GPR107: variants seen among roughly 807,000 people sequenced by gnomAD.
GPR107 encodes the protein G protein-coupled receptor 107.
GPR107 carries 31 observed loss-of-function variants against 75.5 expected under a neutral mutation model. The observed-to-expected ratio is 0.41, with a 90% CI of 0.31 to 0.55. The LOEUF is 0.55. Ranked by LOEUF, GPR107 falls within the 20% of genes least tolerant of loss-of-function variation. GPR107 has a pLI of 0.26. For synonymous variants in GPR107, 267 were observed against 251.3 expected, an observed-to-expected ratio of 1.06 and a Z score of -0.59; for missense variants, 572 against 665.7, an observed-to-expected ratio of 0.86 and a Z score of 1.55.
At chr9:130,127,262 C>T (rs1415702231) in intron 15 of GPR107, among the ~76,000 whole-genome samples, 2 of 152,052 alleles carry the variant, frequency 1.3e-5, no homozygotes, top group African/African-American at 4.8e-5. Context: ...TGGCTGTTAG[C>T]AATATCTTGG....
At position 130,083,428 on chromosome 9, in the gene GPR107, A is replaced by G. The variant is rs1589498308; in HGVS notation, c.527-137A>G. 1.8e-5 allele frequency: 8 copies of G among 452,436 alleles called. No homozygotes were observed. In the East Asian group the frequency reaches 2.9e-4, roughly 16 times the overall value. 28.0% of individuals were successfully genotyped at this position (452,436 alleles called of 1,614,324 possible). A position where few individuals can be genotyped will look rare whatever the true frequency, so the allele number is the denominator to read the frequency against. ...GAATTATGTTTTGGGACCTGAGGAA[A>G]TGGCAGTCCCCAAGATTATTTTGTT... On this transcript the variant is annotated intron_variant, in intron 5 of 17. Coordinates refer to ENST00000347136, the MANE Select transcript of GPR107 (RefSeq NM_020960.5).
chr9:130,125,726 A>G (rs1831660934), intron 15 of GPR107, among the ~76,000 whole-genome samples: 1 of 150,670 alleles, frequency 6.6e-6, no homozygotes, highest in Non-Finnish European at 1.5e-5. Context: ...GTTCTTCTGC[A>G]GCCATTTTTG....
rs377134930 is a variant in GPR107, at chr9:130,127,570, C to T, written c.1440+4C>T. The T allele has an allele frequency of 2.2e-5, 34 of 1,520,794 alleles. No individual in the cohort carries two copies. In the African/African-American group the frequency reaches 3.1e-4, roughly 14 times the overall value. 94.2% of individuals were successfully genotyped at this position (1,520,794 alleles called of 1,614,324 possible). ...CCAGTGGAAGTGGCTCTACCAGGTA[C>T]GCTGCTCACAGGGCAGAATGCCAGA... On this transcript the variant is annotated splice_donor_region_variant and intron_variant, in intron 16 of 17. Coordinates refer to ENST00000347136, the MANE Select transcript of GPR107 (RefSeq NM_020960.5).
At chr9:130,099,300 A>G (rs1589511164) in intron 9 of GPR107, among the ~76,000 whole-genome samples, 157 bp from the exon 10 acceptor site, 1 of 151,908 alleles carries the variant, frequency 6.6e-6, no homozygotes, top group Non-Finnish European at 1.5e-5. Context: ...GGGCGACAGA[A>G]TAAGACCCTG....
At chr9:130,108,383 C>T (rs1831210271) in intron 14 of GPR107, among the ~76,000 whole-genome samples, 2 of 152,194 alleles carry the variant, frequency 1.3e-5, no homozygotes, top group Admixed American at 6.5e-5. Context: ...TTAGAAAATT[C>T]GGAAAATGCA....
chr9:130,083,705 C>G, intron 6 of GPR107, 103 bp downstream of exon 6: 1 of 614,912 alleles, frequency 1.6e-6, no homozygotes, highest in Non-Finnish European at 2.6e-6. Context: ...TACATACATG[C>G]ATGCACAGAC....
In GPR107 at chr9:130,085,082, A is replaced by T. The variant is rs623981; in HGVS notation, c.565-1338A>T. 3.3e-5 allele frequency among the ~76,000 whole-genome samples: 5 copies of T among 152,278 alleles called. No homozygotes were observed. In the South Asian group the frequency reaches 8.3e-4, roughly 25 times the overall value. On this transcript the variant is annotated intron_variant, in intron 6 of 17. Transcript: ENST00000347136. ...GGGCCAAGCAATAGAGGAATTGATGAGCAGGCTACGGGAAGTCATCCTGAG... is the reference window on the plus strand; with the variant it reads ...GGGCCAAGCAATAGAGGAATTGATGTGCAGGCTACGGGAAGTCATCCTGAG...
intron 9 of GPR107, among the ~76,000 whole-genome samples, chr9:130,098,423 T>C (rs1156714302): frequency 6.6e-6 from 1 of 152,184 alleles, no homozygotes; most frequent in African/African-American, 2.4e-5. Flanking sequence ...CCAGTCCCCC[T>C]ACTCTGGGCT....
chr9:130,083,610 C>T lies in GPR107; in HGVS notation c.564+8C>T. ...AGTACAGTGGATTCAAAGGTAAGAA[C>T]TAACCACCCTTTTGTGCTCAGCTTT... On this transcript the variant is annotated splice_region_variant and intron_variant, in intron 6 of 17. Transcript: ENST00000347136. 6.6e-7 allele frequency: 1 copy of T among 1,507,454 alleles called. No homozygotes were observed. The highest frequency in any genetic ancestry group is 1.3e-5 in the South Asian group (1 of 74,498). The allele number at this position is 1,507,454 out of a possible 1,614,324, so 93.4% of individuals were successfully genotyped here.
intron 2 of GPR107, among the ~76,000 whole-genome samples, chr9:130,076,207 C>A (rs2132561254): frequency 6.6e-6 from 1 of 152,284 alleles, no homozygotes; most frequent in South Asian, 2.1e-4. Context: ...CAAATAATTT[C>A]ACTTTTAACA....
At chr9:130,080,471 GTTTATTTA>G (rs59817565) in intron 5 of GPR107, among the ~76,000 whole-genome samples, 10 of 146,690 alleles carry the variant, frequency 6.8e-5, no homozygotes, top group Middle Eastern at 3.5e-3. Flanking sequence ...AGGTATTCCT[GTTTATTTA>G]TTTATTTATT....
intron 1 of GPR107, among the ~76,000 whole-genome samples, chr9:130,057,441 C>T (rs2132528094): frequency 6.7e-6 from 1 of 148,196 alleles, no homozygotes; most frequent in Non-Finnish European, 1.5e-5. Flanking sequence ...GCCTAGGAGT[C>T]AGAAGCTGTA....
chr9:130,134,988 T>A (rs1777666492), intron 17 of GPR107, 37 bp from the exon 18 acceptor site: 2 of 1,148,992 alleles, frequency 1.7e-6, no homozygotes, highest in Non-Finnish European at 2.6e-6. Context: ...TAAGAGACTG[T>A]GAGATGTTCC....
rs980030644 is a variant in GPR107, at chr9:130,135,014, T to C, written c.1563-11T>C. On this transcript the variant is annotated splice_polypyrimidine_tract_variant and intron_variant, in intron 17 of 17. Transcript: ENST00000347136. ...GAGATGTTCCTAATTGTTTTTTCTT[T>C]CCTTGTTCAGTGTGACAACATCTGG... 2.0e-6 allele frequency: 3 copies of C among 1,525,124 alleles called. No homozygotes were observed. The highest frequency in any genetic ancestry group is 2.7e-6 in the Non-Finnish European group (3 of 1,100,592). The allele number at this position is 1,525,124 out of a possible 1,614,324, so 94.5% of individuals were successfully genotyped here.
Position 130,083,583 on chromosome 9 carries a change from G to C in GPR107, c.545G>C (p.Arg182Thr). 1 of 1,528,918 alleles carries C rather than the reference G, an allele frequency of 6.5e-7. No homozygotes were observed. Among genetic ancestry groups the C allele is most frequent in the Non-Finnish European group, 8.7e-7 (1 of 1,147,348 alleles). The allele number at this position is 1,528,918 out of a possible 1,614,324, so 94.7% of individuals were successfully genotyped here. A position where few individuals can be genotyped will look rare whatever the true frequency, so the allele number is the denominator to read the frequency against. Residue 182 changes from arginine (R) to threonine (T), a missense_variant, in exon 6 of 18, where the codon AGA becomes ACA. Coordinates refer to ENST00000347136, the MANE Select transcript of GPR107 (RefSeq NM_020960.5). ...QKTQDGGKSK[R>T]STVDSKAMGE... ...CTTCTAGATGGTGGAAAGTCTAAAA[G>C]AAGTACAGTGGATTCAAAGGTAAGA...
At chr9:130,100,767 C>A (rs570501826) in intron 11 of GPR107, 65 bp downstream of exon 11, 2 of 1,169,154 alleles carry the variant, frequency 1.7e-6, no homozygotes, top group East Asian at 2.3e-5. Flanking sequence ...GGGTGGGCAA[C>A]AACCTGCCCC....
intron 8 of GPR107, among the ~76,000 whole-genome samples, chr9:130,091,766 G>T (rs1830744502): frequency 6.7e-6 from 1 of 149,988 alleles, no homozygotes; most frequent in African/African-American, 2.5e-5. Flanking sequence ...TGCAATCTTG[G>T]CTCACTGCAA....
At chr9:130,109,431 A>G (rs1057050642) in intron 14 of GPR107, among the ~76,000 whole-genome samples, 8 of 152,064 alleles carry the variant, frequency 5.3e-5, no homozygotes, top group African/African-American at 1.9e-4. Context: ...TCGGCCTCCC[A>G]AAGTGCTGGG....
intron 1 of GPR107, among the ~76,000 whole-genome samples, chr9:130,059,315 C>A (rs541487516): frequency 1.3e-5 from 2 of 152,106 alleles, no homozygotes; most frequent in African/African-American, 4.8e-5. Context: ...TGGTAAAACC[C>A]TGTCTCTACT....
Sources: allele counts gnomAD v4.1 joint callset (sites outside exome capture counted in the v4.1 genomes callset), GRCh38; gene constraint gnomAD v4.1.1; transcripts MANE v1.5; gene names NCBI Gene and HGNC (gene_info 2026-07-23, HGNC 2026-07-21).